The following ZNF570 variants were observed in gnomAD, a reference collection of about 807,000 sequenced individuals.
ZNF570 encodes zinc finger protein 570.
ZNF570 carries 8 observed loss-of-function variants against 14.2 expected under a neutral mutation model. The ratio of observed to expected loss-of-function variants is 0.56; its 90% CI spans 0.33 to 1.02. The LOEUF is 1.02. Ranked by LOEUF, ZNF570 falls within the 50% of genes least tolerant of loss-of-function variation. The pLI, the probability that ZNF570 is intolerant of heterozygous loss-of-function variation, is 0.03. For synonymous variants in ZNF570, 202 were observed against 207.6 expected, an observed-to-expected ratio of 0.97 and a Z score of 0.23; for missense variants, 559 against 624.9, an observed-to-expected ratio of 0.89 and a Z score of 1.12.
chr19:37,477,754 T>C (rs2042044413), intron 4 of ZNF570, among the ~76,000 whole-genome samples: 1 of 152,222 alleles, frequency 6.6e-6, no homozygotes, highest in Admixed American at 6.5e-5. Flanking sequence ...CATAATCCAA[T>C]TGGAACTTAT....
intron 1 of ZNF570, 51 bp downstream of exon 1, chr19:37,469,608 T>C: frequency 6.6e-7 from 1 of 1,509,678 alleles, no homozygotes; most frequent in Non-Finnish European, 8.9e-7. Flanking sequence ...GTCCACGTCC[T>C]GTGTGACTGG....
At chr19:37,475,492 T>C (rs1223090113) in intron 2 of ZNF570, among the ~76,000 whole-genome samples, 1 of 152,190 alleles carries the variant, frequency 6.6e-6, no homozygotes, top group Non-Finnish European at 1.5e-5. Flanking sequence ...AAACCACTCA[T>C]TGATTAATTC....
chr19:37,469,224 G>T (rs975103203), upstream of ZNF570: 16 of 1,324,400 alleles, frequency 1.2e-5, no homozygotes, highest in Non-Finnish European at 1.5e-5. Flanking sequence ...AACCCTGCGC[G>T]GAGCTGCACC....
Position 37,484,036 on chromosome 19 carries a change from A to G in ZNF570, c.414A>G (p.Gln138=). The part of the protein sequence containing the change: ...EWKCEGYFER[Q]PGNQKACFKE... The stretch of plus-strand genomic sequence containing the variant: ...AATGTGAGGGCTATTTTGAAAGGCA[A>G]CCAGGTAATCAGAAGGCGTGTTTCA... Residue 138 remains glutamine, a synonymous_variant, in exon 5 of 5, where the codon CAA becomes CAG. Transcript: ENST00000330173. 6.2e-7 allele frequency: 1 copy of G among 1,614,132 alleles called. No homozygotes were observed. The highest frequency in any genetic ancestry group is 8.5e-7 in the Non-Finnish European group (1 of 1,180,022).
chr19:37,472,054 G>A (rs1193390415), intron 2 of ZNF570, among the ~76,000 whole-genome samples: 3 of 151,554 alleles, frequency 2.0e-5, no homozygotes, highest in African/African-American at 4.9e-5. Context: ...GTACAGGCAC[G>A]TGCCACCATG....
Position 37,476,252 on chromosome 19 carries a change from C to G in ZNF570, c.161-87C>G. 4.0e-6 allele frequency: 6 copies of G among 1,496,624 alleles called. No homozygotes were observed. The South Asian group carries it at 7.7e-5, about 19-fold the overall frequency. 92.7% of individuals were successfully genotyped at this position (1,496,624 alleles called of 1,614,324 possible). On this transcript the variant is annotated intron_variant, in intron 3 of 4. Transcript: ENST00000330173. ...TCTCTTTTTGCTTACTGTAAACTCC[C>G]TTTTCCCTGATGAGCTAAGGATTGA... is the stretch of plus-strand genomic sequence containing the variant.
intron 2 of ZNF570, among the ~76,000 whole-genome samples, chr19:37,471,243 G>A (rs1470354190): frequency 3.3e-5 from 5 of 149,796 alleles, no homozygotes; most frequent in African/African-American, 4.9e-5. Flanking sequence ...TCGATCTCCT[G>A]ACCTCGTGAT....
intron 2 of ZNF570, among the ~76,000 whole-genome samples, chr19:37,472,987 T>C (rs562161121): frequency 6.6e-6 from 1 of 152,260 alleles, no homozygotes. Flanking sequence ...AATAAGGGCA[T>C]GTTAGGGTGT....
intron 2 of ZNF570, among the ~76,000 whole-genome samples, chr19:37,474,596 A>G (rs2042003182): frequency 6.6e-6 from 1 of 151,904 alleles, no homozygotes; most frequent in Non-Finnish European, 1.5e-5. Flanking sequence ...AGTACCGGGG[A>G]TTATAGGTGC....
At chr19:37,481,745 T>G (rs967748810) in intron 4 of ZNF570, among the ~76,000 whole-genome samples, 4 of 152,180 alleles carry the variant, frequency 2.6e-5, no homozygotes, top group Non-Finnish European at 4.4e-5. Context: ...TGTGTTTATT[T>G]TTCTTAAAAC....
chr19:37,479,124 AATC>A (rs1299746299), intron 4 of ZNF570, among the ~76,000 whole-genome samples: 1 of 142,824 alleles, frequency 7.0e-6, no homozygotes, highest in African/African-American at 2.5e-5. Context: ...AATTTAAACT[AATC>A]ATTCAATTTG....
At chr19:37,475,578 C>T (rs1037344729) in intron 2 of ZNF570, among the ~76,000 whole-genome samples, 4 of 152,064 alleles carry the variant, frequency 2.6e-5, no homozygotes, top group African/African-American at 9.7e-5. Context: ...TGACCAAAGC[C>T]AAAACATACT....
rs956409495 is a variant in ZNF570, at chr19:37,483,769, C to T, written c.257-110C>T. The T allele has an allele frequency of 8.6e-6, 10 of 1,163,454 alleles. No homozygotes were observed. In the East Asian group the frequency reaches 1.2e-4, roughly 14 times the overall value. The allele number at this position is 1,163,454 out of a possible 1,614,324, so 72.1% of individuals were successfully genotyped here. On this transcript the variant is annotated intron_variant, in intron 4 of 4. Transcript: ENST00000330173. Reference sequence around the variant, plus strand: ...TTCAGAACTGCAAAAGCCAATGTTCCTGTGGGTTTTGCTATTTAATTCACA... The same window carrying T: ...TTCAGAACTGCAAAAGCCAATGTTCTTGTGGGTTTTGCTATTTAATTCACA...
chr19:37,484,545 G>A lies in ZNF570; in HGVS notation c.923G>A (p.Arg308Gln), dbSNP rs557535723. Reference sequence around the variant, plus strand: ...AAACCTTACGAATGTAAGGTATGTCGAAAAGCCTTCAGCCAGTTTGCCTAC... The same window carrying A: ...AAACCTTACGAATGTAAGGTATGTCAAAAAGCCTTCAGCCAGTTTGCCTAC... ...GEKPYECKVC[R>Q]KAFSQFAYLA... The change falls in exon 5 of 5, where the codon CGA (arginine) becomes CAA (glutamine). Residue 308 changes from arginine to glutamine, a missense_variant. Coordinates refer to ENST00000330173, the MANE Select transcript of ZNF570 (RefSeq NM_144694.5). 1.9e-5 allele frequency: 31 copies of A among 1,614,108 alleles called. No homozygotes were observed. Among genetic ancestry groups the A allele is most frequent in the Admixed American group, 1.8e-4 (11 of 60,018 alleles).
In ZNF570 at chr19:37,488,350, A is replaced by G. The variant is rs1452341401; in HGVS notation, c.*3117A>G. 2 of 152,230 alleles carry G rather than the reference A, an allele frequency of 1.3e-5. No homozygotes were observed. Among genetic ancestry groups the G allele is most frequent in the Non-Finnish European group, 2.9e-5 (2 of 68,040 alleles). The allele number at this position is 152,230 out of a possible 1,614,324, so 9.4% of individuals were successfully genotyped here. A position where few individuals can be genotyped will look rare whatever the true frequency, so the allele number is the denominator to read the frequency against. Reference sequence around the variant, plus strand: ...TAACGTACAATTTCAAAACATGCAAATTAGTGTTATGTATTTTTGTCATGG... The same window carrying G: ...TAACGTACAATTTCAAAACATGCAAGTTAGTGTTATGTATTTTTGTCATGG... On this transcript the variant is annotated 3_prime_UTR_variant, in exon 5 of 5. Transcript: ENST00000330173.
Position 37,485,102 on chromosome 19 carries a change from G to A in ZNF570, c.1480G>A (p.Gly494Arg). The part of the protein sequence containing the change: ...SLAQHQRIHT[G>R]ERPYECKECK... ...TGCCCAACATCAGAGAATTCATACT[G>A]GAGAGAGACCCTATGAATGTAAGGA... The change falls in exon 5 of 5, where the codon GGA becomes AGA. Residue 494 changes from glycine to arginine, a missense_variant. Transcript: ENST00000330173. 1.9e-6 allele frequency: 3 copies of A among 1,613,972 alleles called. No homozygotes were observed. The highest frequency in any genetic ancestry group is 2.5e-6 in the Non-Finnish European group (3 of 1,179,962).
rs1405064703 is a variant in ZNF570 at position 37,487,748 on chromosome 19, G to T, written c.*2515G>T. On this transcript the variant is annotated 3_prime_UTR_variant, in exon 5 of 5. Coordinates refer to ENST00000330173, the MANE Select transcript of ZNF570 (RefSeq NM_144694.5). Reference sequence around the variant, plus strand: ...TTTGTTTTGCCCTTTAGCTTCACAGGTTTGTTCTGAAATTTATGAGGTATA... The same window carrying T: ...TTTGTTTTGCCCTTTAGCTTCACAGTTTTGTTCTGAAATTTATGAGGTATA... 6 of 151,962 alleles carry T rather than the reference G, an allele frequency of 3.9e-5. No homozygotes were observed. Among genetic ancestry groups the T allele is most frequent in the Non-Finnish European group, 8.8e-5 (6 of 67,998 alleles). The allele number at this position is 151,962 out of a possible 1,614,324, so 9.4% of individuals were successfully genotyped here.
Position 37,487,062 on chromosome 19 carries a change from TGTG to T in ZNF570, c.*1834_*1836del, listed in dbSNP as rs1372434011. 6.6e-6 allele frequency: 1 copy of T among 151,576 alleles called. No individual in the cohort carries two copies. 9.4% of individuals were successfully genotyped at this position (151,576 alleles called of 1,614,324 possible). On this transcript the variant is annotated 3_prime_UTR_variant, in exon 5 of 5. Transcript: ENST00000330173. ...ACTAAAAATATAACAGTTAGCCAGG[TGTG>T]GTGGCGCACGCCTGTAATCCCAGCT...
intron 2 of ZNF570, among the ~76,000 whole-genome samples, chr19:37,474,679 G>A (rs2147007885): frequency 6.6e-6 from 1 of 151,774 alleles, no homozygotes; most frequent in Non-Finnish European, 1.5e-5. Context: ...AGGCTGTTCT[G>A]GAACTCCTGA....
Sources: gnomAD v4.1 joint callset for allele counts (sites outside exome capture counted in the v4.1 genomes callset) on GRCh38, gnomAD v4.1.1 for gene constraint, MANE v1.5 for transcripts, NCBI Gene and HGNC (gene_info 2026-07-23, HGNC 2026-07-21) for gene names.